GRM1: variants seen among roughly 807,000 people sequenced by gnomAD.
The protein encoded by GRM1 is metabotropic glutamate receptor 1.
Under a neutral mutation model 90.9 loss-of-function variants are expected in GRM1, and 33 were observed. The observed-to-expected ratio is 0.36, with a 90% CI of 0.28 to 0.49. The LOEUF is 0.49. Among genes scored for constraint, GRM1 ranks in the 20% least tolerant of loss-of-function variants. The pLI, the probability that GRM1 is intolerant of heterozygous loss-of-function variation, is 0.99. For missense variants in GRM1, 1,190 were observed against 1,534.3 expected (o/e 0.78, Z 3.75); for synonymous variants, 700 against 613.2 (o/e 1.14, Z -2.09).
At chr6:146,341,881 T>G (rs904776691) in intron 3 of GRM1, among the ~76,000 whole-genome samples, 5 of 152,214 alleles carry the variant, frequency 3.3e-5, no homozygotes, top group Admixed American at 2.0e-4. Flanking sequence ...TTAAAGTTTG[T>G]TATCATTATT....
rs1759385815 is a variant in GRM1, at chr6:146,399,978, G to C, written c.2660+279G>C. 6.6e-6 allele frequency among the ~76,000 whole-genome samples: 1 copy of C among 152,162 alleles called. No individual in the cohort carries two copies. The highest frequency in any genetic ancestry group is 1.5e-5 in the Non-Finnish European group (1 of 68,026). Reference sequence around the variant, plus strand: ...ACAATCTTTATTCTTGCCTAGAAGCGGAAGCTTCGGTTCTGCCAGTAACTT... The same window carrying C: ...ACAATCTTTATTCTTGCCTAGAAGCCGAAGCTTCGGTTCTGCCAGTAACTT... On this transcript the variant is annotated intron_variant, in intron 7 of 7. Coordinates refer to ENST00000282753, the MANE Select transcript of GRM1 (RefSeq NM_001278064.2). This position sits in a 1 kb window ranked among gnomAD's most constrained non-coding sequence, Gnocchi z 5.4.
At chr6:146,088,385 C>T (rs554139108) in intron 1 of GRM1, among the ~76,000 whole-genome samples, 5 of 151,966 alleles carry the variant, frequency 3.3e-5, no homozygotes, top group East Asian at 3.9e-4. Context: ...TTTTAAAGTT[C>T]GAAAATAATA....
At chr6:146,415,381 A>G (rs967036054) in intron 7 of GRM1, among the ~76,000 whole-genome samples, 1 of 152,220 alleles carries the variant, frequency 6.6e-6, no homozygotes. Context: ...AGGCACATTC[A>G]GTTCATAATA....
chr6:146,210,762 T>C (rs1052010348), intron 2 of GRM1, among the ~76,000 whole-genome samples: 2 of 152,154 alleles, frequency 1.3e-5, no homozygotes, highest in African/African-American at 4.8e-5. Flanking sequence ...TTATTCTGAA[T>C]TGATAGTTCT....
intron 2 of GRM1, among the ~76,000 whole-genome samples, chr6:146,287,839 T>G (rs1782821521): frequency 6.6e-6 from 1 of 152,190 alleles, no homozygotes; most frequent in South Asian, 2.1e-4. Context: ...AGGGGGAGAT[T>G]GCCTTCTAAT....
Position 146,301,084 on chromosome 6 carries a change from C to A in GRM1, c.951-3527C>A, listed in dbSNP as rs559580624. 2.0e-5 allele frequency among the ~76,000 whole-genome samples: 3 copies of A among 152,030 alleles called. No homozygotes were observed. The South Asian group carries it at 6.2e-4, about 31-fold the overall frequency. On this transcript the variant is annotated intron_variant, in intron 2 of 7. Coordinates refer to ENST00000282753, the MANE Select transcript of GRM1 (RefSeq NM_001278064.2). ...TTTTTCATGATAGCATTCTCTAACA[C>A]CTTACCTGTGATAGATTTAAGATCT...
chr6:146,058,795 A>C (rs1380979549), intron 1 of GRM1, among the ~76,000 whole-genome samples: 2 of 152,142 alleles, frequency 1.3e-5, no homozygotes, highest in Non-Finnish European at 2.9e-5. Flanking sequence ...ATTTCACAGC[A>C]TCTTCACCAG....
intron 1 of GRM1, among the ~76,000 whole-genome samples, chr6:146,146,933 T>C (rs1021566127): frequency 2.0e-5 from 3 of 152,208 alleles, no homozygotes; most frequent in Non-Finnish European, 2.9e-5. Flanking sequence ...GACCCTCCAT[T>C]GTTACCACAT....
chr6:146,128,405 A>C (rs1280677250), intron 1 of GRM1, among the ~76,000 whole-genome samples: 1 of 152,164 alleles, frequency 6.6e-6, no homozygotes, highest in African/African-American at 2.4e-5. Flanking sequence ...TTTATCACCA[A>C]ACACTCTGAG....
intron 5 of GRM1, among the ~76,000 whole-genome samples, chr6:146,374,081 A>G (rs187570534): frequency 1.1e-4 from 16 of 152,248 alleles, no homozygotes; most frequent in African/African-American, 3.6e-4. Context: ...GAGAAGTTGA[A>G]TTTTACCAAA....
intron 1 of GRM1, among the ~76,000 whole-genome samples, chr6:146,043,468 T>C (rs987931429): frequency 2.0e-5 from 3 of 151,964 alleles, no homozygotes; most frequent in African/African-American, 7.2e-5. Context: ...TTGTTGAAGA[T>C]ATTGCCTGTG....
chr6:146,412,530 G>A (rs1777609017), intron 7 of GRM1, among the ~76,000 whole-genome samples: 1 of 152,014 alleles, frequency 6.6e-6, no homozygotes, highest in South Asian at 2.1e-4. Context: ...CATTCATATG[G>A]CATCATACTG....
At chr6:146,348,071 A>G (rs1785247671) in intron 3 of GRM1, among the ~76,000 whole-genome samples, 1 of 152,252 alleles carries the variant, frequency 6.6e-6, no homozygotes, top group African/African-American at 2.4e-5. Flanking sequence ...TACAAAAAGT[A>G]ATGGTTTAAT....
At chr6:146,049,718 C>T (rs1188051907) in intron 1 of GRM1, among the ~76,000 whole-genome samples, 2 of 151,678 alleles carry the variant, frequency 1.3e-5, no homozygotes, top group African/African-American at 4.8e-5. Context: ...CATGTTGGTT[C>T]TGTCCCTCTA....
chr6:146,197,813 T>C (rs1416075586), intron 2 of GRM1, among the ~76,000 whole-genome samples: 1 of 152,220 alleles, frequency 6.6e-6, no homozygotes, highest in Admixed American at 6.5e-5. Context: ...TCTGTAATAG[T>C]CAAGCTCATA....
At chr6:146,041,472 A>T (rs1343604071) in intron 1 of GRM1, among the ~76,000 whole-genome samples, 1 of 151,918 alleles carries the variant, frequency 6.6e-6, no homozygotes, top group Admixed American at 6.6e-5. Context: ...TTGGCACTAG[A>T]TGGTGCCCTA....
chr6:146,195,220 A>G (rs1344147660), intron 2 of GRM1, among the ~76,000 whole-genome samples: 3 of 152,222 alleles, frequency 2.0e-5, no homozygotes, highest in Non-Finnish European at 4.4e-5. Flanking sequence ...CTTAAGAAAT[A>G]TAAGATTAAA....
intron 7 of GRM1, among the ~76,000 whole-genome samples, chr6:146,432,498 C>T (rs1028953586): frequency 6.6e-6 from 1 of 152,146 alleles, no homozygotes; most frequent in Non-Finnish European, 1.5e-5. Flanking sequence ...ATTTAAACTA[C>T]TGATCATTTC....
At chr6:146,041,337 A>G (rs1337614785) in intron 1 of GRM1, among the ~76,000 whole-genome samples, 1 of 151,880 alleles carries the variant, frequency 6.6e-6, no homozygotes, top group African/African-American at 2.4e-5. Flanking sequence ...TGTCTTATTG[A>G]AAGGTTAGTT....
Sources: allele counts gnomAD v4.1 joint callset (sites outside exome capture counted in the v4.1 genomes callset), GRCh38; gene constraint gnomAD v4.1.1; non-coding constraint Gnocchi (gnomAD v3.1); transcripts MANE v1.5; gene names NCBI Gene and HGNC (gene_info 2026-07-23, HGNC 2026-07-21).